The following NCOA2 variants were observed in gnomAD, a reference collection of about 807,000 sequenced individuals.
NCOA2 encodes the protein nuclear receptor coactivator 2, also known as class E basic helix-loop-helix protein 75.
A neutral mutation model predicts 145.1 loss-of-function variants in NCOA2; 21 were observed. The observed-to-expected ratio is 0.14, with a 90% CI of 0.10 to 0.21. NCOA2 has a LOEUF of 0.21. Ranked by LOEUF, NCOA2 falls within the 10% of genes least tolerant of loss-of-function variation. NCOA2 has a pLI of 1.00. For missense variants in NCOA2, 1,472 were observed against 1,837.6 expected (o/e 0.80, Z 3.64); for synonymous variants, 619 against 637.5 (o/e 0.97, Z 0.44).
At chr8:70,312,240 T>C (rs1351513040) in intron 1 of NCOA2, among the ~76,000 whole-genome samples, 9 of 152,338 alleles carry the variant, frequency 5.9e-5, no homozygotes, top group African/African-American at 2.2e-4. Context: ...TTTCTTTAAA[T>C]CCAATGTCAT....
At chr8:70,145,147 T>A (rs1810892677) in intron 12 of NCOA2, among the ~76,000 whole-genome samples, 1 of 151,696 alleles carries the variant, frequency 6.6e-6, no homozygotes, top group Admixed American at 6.5e-5. Flanking sequence ...ATTCATTCAT[T>A]CATTCTCTCT....
chr8:70,157,459 T>C (rs969965662), intron 10 of NCOA2, among the ~76,000 whole-genome samples: 1 of 152,230 alleles, frequency 6.6e-6, no homozygotes, highest in African/African-American at 2.4e-5. Context: ...CATTAAGATG[T>C]CTGGTTTTAC....
intron 1 of NCOA2, among the ~76,000 whole-genome samples, chr8:70,299,082 CA>C (rs995798475): frequency 6.6e-6 from 1 of 151,278 alleles, no homozygotes; most frequent in Non-Finnish European, 1.5e-5. Context: ...AACAAACAAA[CA>C]AAAAAAACCA....
At position 70,156,223 on chromosome 8, in the gene NCOA2, G is replaced by A. The variant is rs758291688; in HGVS notation, c.2142C>T (p.Asp714=). Residue 714 remains aspartate (D), a synonymous_variant, in exon 11 of 23, where the codon GAC becomes GAT. Transcript: ENST00000452400. ...AKLTAEATGK[D]LSQESSSTAP... is the part of the protein sequence containing the mutation. ...CTGTGCTGCTGGACTCCTGGCTCAG[G>A]TCTTTGCCTGTGGCTTCTGCTGTTA... The A allele has an allele frequency of 6.2e-7, 1 of 1,613,932 alleles. No homozygotes were observed.
chr8:70,226,942 T>TC (rs1303598295), intron 2 of NCOA2, among the ~76,000 whole-genome samples: 1 of 152,150 alleles, frequency 6.6e-6, no homozygotes, highest in Non-Finnish European at 1.5e-5. Flanking sequence ...CAAAGCATAC[T>TC]CCCTTTACGC....
chr8:70,392,577 A>G (rs1022773354), intron 1 of NCOA2, among the ~76,000 whole-genome samples: 1 of 152,236 alleles, frequency 6.6e-6, no homozygotes, highest in East Asian at 1.9e-4. Flanking sequence ...TTAAGACATC[A>G]GCCCTTAAGT....
chr8:70,373,051 T>C (rs1339929538), intron 1 of NCOA2, among the ~76,000 whole-genome samples: 2 of 152,322 alleles, frequency 1.3e-5, no homozygotes, highest in East Asian at 3.8e-4. Context: ...TTTGAGAATA[T>C]TATCAATAAA....
At chr8:70,230,587 T>G (rs1028519751) in intron 2 of NCOA2, among the ~76,000 whole-genome samples, 1 of 152,218 alleles carries the variant, frequency 6.6e-6, no homozygotes, top group Admixed American at 6.5e-5. Context: ...GAAAACACAC[T>G]GGGGATTACT....
intron 2 of NCOA2, among the ~76,000 whole-genome samples, chr8:70,239,786 G>T (rs1296232400): frequency 6.6e-6 from 1 of 152,114 alleles, no homozygotes; most frequent in African/African-American, 2.4e-5. Flanking sequence ...CAGCTAAAAA[G>T]ACACATAGGA....
intron 4 of NCOA2, among the ~76,000 whole-genome samples, chr8:70,186,426 G>A (rs927856231): frequency 4.6e-5 from 7 of 151,944 alleles, no homozygotes; most frequent in Non-Finnish European, 5.9e-5. Context: ...TTATGAACTC[G>A]GCACTACCAA....
chr8:70,362,128 T>C (rs1810261398), intron 1 of NCOA2, among the ~76,000 whole-genome samples: 2 of 152,218 alleles, frequency 1.3e-5, no homozygotes, highest in South Asian at 4.1e-4. Context: ...AGATATTTAC[T>C]GTATTGCCCT....
intron 14 of NCOA2, among the ~76,000 whole-genome samples, chr8:70,139,802 G>A (rs1030195288): frequency 5.3e-5 from 8 of 151,576 alleles, no homozygotes; most frequent in Non-Finnish European, 2.9e-5. Context: ...ACAGGTATGC[G>A]CCACCACCCC....
the NCOA2 span, among the ~76,000 whole-genome samples, chr8:70,414,144 T>G: frequency 4.6e-5 from 7 of 152,234 alleles, no homozygotes; most frequent in Non-Finnish European, 1.0e-4. Context: ...CTGTTTTTCT[T>G]TAGACCAAGT....
chr8:70,148,414 A>G lies in NCOA2; in HGVS notation c.2464T>C (p.Phe822Leu), dbSNP rs367838870. The part of the protein sequence containing the change: ...DLQNSQLPQL[F>L]PDTRPGAPAG... ...GGGGCGCCTGGCCTCGTGTCTGGGA[A>G]AAGCTGTGGTAATTGACTATTCTGC... The change falls in exon 12 of 23, where the codon TTC becomes CTC. Residue 822 changes from phenylalanine to leucine, a missense_variant. Phe to Leu is a conservative substitution (Grantham distance 22, BLOSUM62 0). Transcript: ENST00000452400. 7 of 1,613,830 alleles carry G rather than the reference A, an allele frequency of 4.3e-6. No homozygotes were observed. The highest frequency in any genetic ancestry group is 5.9e-6 in the Non-Finnish European group (7 of 1,179,900).
the NCOA2 span, among the ~76,000 whole-genome samples, chr8:70,431,862 A>T: frequency 6.6e-6 from 1 of 152,242 alleles, no homozygotes; most frequent in Non-Finnish European, 1.5e-5. Flanking sequence ...ATTTACTAAA[A>T]TATTTTTTAT....
chr8:70,131,529 T>C lies in NCOA2; in HGVS notation c.3324+308A>G, dbSNP rs574776415. On this transcript the variant is annotated intron_variant, in intron 16 of 22. Coordinates refer to ENST00000452400, the MANE Select transcript of NCOA2 (RefSeq NM_006540.4). Reference sequence around the variant, plus strand: ...GCAGCAATGTGCTGTTTGTGGTTTCTCTGTATCTTGTGTGTCCTTCCCTAT... The same window carrying C: ...GCAGCAATGTGCTGTTTGTGGTTTCCCTGTATCTTGTGTGTCCTTCCCTAT... Among the ~76,000 whole-genome samples the C allele has an allele frequency of 7.9e-5, 12 of 152,324 alleles. No homozygotes were observed. The South Asian group carries it at 2.1e-3, about 26-fold the overall frequency.
At chr8:70,336,856 C>T (rs1807643481) in intron 1 of NCOA2, among the ~76,000 whole-genome samples, 2 of 152,136 alleles carry the variant, frequency 1.3e-5, no homozygotes, top group South Asian at 4.1e-4. Context: ...CACTGATGGA[C>T]ACCCGGGTTG....
At chr8:70,420,916 T>C in the NCOA2 span, among the ~76,000 whole-genome samples, 2 of 152,186 alleles carry the variant, frequency 1.3e-5, no homozygotes, top group Non-Finnish European at 2.9e-5. Context: ...GTGCTGGGAT[T>C]ACAGGCGTGA....
chr8:70,223,058 G>C (rs375540689), intron 2 of NCOA2, among the ~76,000 whole-genome samples: 1 of 152,200 alleles, frequency 6.6e-6, no homozygotes, highest in East Asian at 1.9e-4. Context: ...AGAAAACATC[G>C]CAGGAAGAAG....
Sources: allele counts gnomAD v4.1 joint callset (sites outside exome capture counted in the v4.1 genomes callset), GRCh38; gene constraint gnomAD v4.1.1; transcripts MANE v1.5; gene names NCBI Gene and HGNC (gene_info 2026-07-23, HGNC 2026-07-21).